ZNF195: variants seen among roughly 807,000 people sequenced by gnomAD.
The protein encoded by ZNF195 is hypoxia-regulated factor-1.
ZNF195 carries 11 observed loss-of-function variants against 19.5 expected under a neutral mutation model. The ratio of observed to expected loss-of-function variants is 0.57; its 90% CI spans 0.36 to 0.94. The LOEUF (loss-of-function observed/expected upper bound fraction) is 0.94. Ranked by LOEUF, ZNF195 falls within the 40% of genes least tolerant of loss-of-function variation. ZNF195 has a pLI of 0.01. For synonymous variants in ZNF195, 214 were observed against 248.1 expected, an observed-to-expected ratio of 0.86 and a Z score of 1.29; for missense variants, 582 against 709.0, an observed-to-expected ratio of 0.82 and a Z score of 2.03.
chr11:3,373,650 A>G, intron 1 of ZNF195: 2 of 1,547,740 alleles, frequency 1.3e-6, no homozygotes, highest in Non-Finnish European at 1.7e-6. Context: ...CTCTGGACAA[A>G]TCACACCTGC....
chr11:3,370,728 G>T (rs1287780578), intron 3 of ZNF195, among the ~76,000 whole-genome samples: 4 of 152,216 alleles, frequency 2.6e-5, no homozygotes, highest in African/African-American at 9.7e-5. Context: ...TACTCGTCAG[G>T]AGGAGGACTC....
chr11:3,369,592 G>A, intron 3 of ZNF195: 2 of 411,744 alleles, frequency 4.9e-6, no homozygotes, highest in South Asian at 3.4e-5. Flanking sequence ...TCAACCACGT[G>A]GATGACCCTG....
chr11:3,373,490 A>G, intron 1 of ZNF195: 2 of 1,019,130 alleles, frequency 2.0e-6, no homozygotes, highest in South Asian at 1.4e-5. Context: ...AAACACCACA[A>G]GTAGAGAAGT....
At position 3,359,191 on chromosome 11, in the gene ZNF195, T is replaced by C. The variant is rs747732338; in HGVS notation, c.1817A>G (p.Tyr606Cys). 3 of 1,613,576 alleles carry C rather than the reference T, an allele frequency of 1.9e-6. No homozygotes were observed. Among genetic ancestry groups the C allele is most frequent in the Non-Finnish European group, 2.5e-6 (3 of 1,179,856 alleles). ...HKRIHTGEKP[Y>C]KCEKCGKAFT... ...GGCTTTGCCACACTTTTCACACTTG[T>C]AGGGTTTCTCTCCAGTATGAATTCT... The change falls in exon 6 of 6, where the codon TAC becomes TGC. Residue 606 changes from tyrosine (Y) to cysteine (C), a missense_variant. This residue lies in a region of ZNF195 where 407 missense variants were observed against 530.5 expected (regional missense o/e 0.77). Coordinates refer to ENST00000399602, the MANE Select transcript of ZNF195 (RefSeq NM_001130520.3). This position sits in a 1 kb window ranked among gnomAD's most constrained non-coding sequence, Gnocchi z 5.5.
chr11:3,374,291 T>C (rs1026678254), intron 1 of ZNF195, among the ~76,000 whole-genome samples: 1 of 152,190 alleles, frequency 6.6e-6, no homozygotes, highest in African/African-American at 2.4e-5. Context: ...AGTTCTGCCA[T>C]TAATGGTGAT....
Position 3,360,197 on chromosome 11 carries a change from AT to A in ZNF195, c.810del (p.Lys270AsnfsTer105), listed in dbSNP as rs1564912610. On this transcript the variant is annotated frameshift_variant, in exon 6 of 6. Transcript: ENST00000399602. LOFTEE classifies it low-confidence loss of function (END_TRUNC). Reference sequence around the variant, plus strand: ...TTGCCACATTCTCCACATTTTTGGAATTTTTTTCCAGTGTGAATTTTCTGAT... The same window carrying A: ...TTGCCACATTCTCCACATTTTTGGAATTTTTTCCAGTGTGAATTTTCTGAT... ...TEHQKIHTGKKFQKCGECGKT... is the reference protein window; with the variant it reads ...TEHQKIHTGKXFQKCGECGKT... 2 of 1,613,860 alleles carry A rather than the reference AT, an allele frequency of 1.2e-6. No homozygotes were observed. Among genetic ancestry groups the A allele is most frequent in the East Asian group, 2.2e-5 (1 of 44,862 alleles).
intron 3 of ZNF195, chr11:3,369,574 C>A: frequency 2.3e-6 from 1 of 428,870 alleles, no homozygotes; most frequent in Non-Finnish European, 4.8e-6. Context: ...GGAATGAAAT[C>A]CTGTCATTCA....
chr11:3,370,032 A>T (rs1022797038), intron 3 of ZNF195, among the ~76,000 whole-genome samples: 2 of 152,236 alleles, frequency 1.3e-5, no homozygotes, highest in Non-Finnish European at 2.9e-5. Flanking sequence ...ACATATGCCC[A>T]CATAGACACA....
At position 3,359,847 on chromosome 11, in the gene ZNF195, C is replaced by A; in HGVS notation, c.1161G>T (p.Trp387Cys). The A allele has an allele frequency of 6.2e-7, 1 of 1,613,930 alleles. No individual in the cohort carries two copies. The highest frequency in any genetic ancestry group is 8.5e-7 in the Non-Finnish European group (1 of 1,179,994). ...TTGGGCTGTGGTTAAAACCTTTGTA[C>A]CATGTTTCACATTTGGAGAGCTTCT... is the stretch of plus-strand genomic sequence containing the variant. Reference protein sequence around the residue: ...AGEKLSKCETWYKGFNHSPNP... With the variant: ...AGEKLSKCETCYKGFNHSPNP... The change falls in exon 6 of 6, where the codon TGG becomes TGT. Residue 387 changes from tryptophan to cysteine, a missense_variant. Transcript: ENST00000399602. The surrounding 1 kb of genome is among the most constrained non-coding windows in gnomAD (Gnocchi z 5.5).
rs551670550 is a variant in ZNF195 at position 3,359,212 on chromosome 11, A to G, written c.1796T>C (p.Ile599Thr). 6 of 1,613,822 alleles carry G rather than the reference A, an allele frequency of 3.7e-6. No homozygotes were observed. Among genetic ancestry groups the G allele is most frequent in the Non-Finnish European group, 5.1e-6 (6 of 1,179,960 alleles). ...CTTGTAGGGTTTCTCTCCAGTATGA[A>G]TTCTCTTATGTACAATAAGGTTTGA... ...QSSNLIVHKR[I>T]HTGEKPYKCE... The change falls in exon 6 of 6, where the codon ATT becomes ACT. Residue 599 changes from isoleucine to threonine, a missense_variant. This residue lies in a region of ZNF195 where 407 missense variants were observed against 530.5 expected (regional missense o/e 0.77). Transcript: ENST00000399602. This position sits in a 1 kb window ranked among gnomAD's most constrained non-coding sequence, Gnocchi z 5.5.
At position 3,359,506 on chromosome 11, in the gene ZNF195, T is replaced by C; in HGVS notation, c.1502A>G (p.Asn501Ser). The C allele has an allele frequency of 1.2e-6, 2 of 1,614,190 alleles. No individual in the cohort carries two copies. Among genetic ancestry groups the C allele is most frequent in the South Asian group, 1.1e-5 (1 of 91,080 alleles). ...EKPYTCEECG[N>S]IFKQLSDLTK... ...GAGGTCTGATAACTGCTTAAAGATG[T>C]TGCCACATTCTTCACACGTGTAGGG... The change falls in exon 6 of 6, where the codon AAC becomes AGC. Residue 501 changes from asparagine (N) to serine (S), a missense_variant. Around this residue, in one of 3 missense-constraint regions of ZNF195, gnomAD observed 407 missense variants for 530.5 expected, o/e 0.77. Coordinates refer to ENST00000399602, the MANE Select transcript of ZNF195 (RefSeq NM_001130520.3). This position sits in a 1 kb window ranked among gnomAD's most constrained non-coding sequence, Gnocchi z 5.5.
chr11:3,373,697 C>T, intron 1 of ZNF195: 1 of 1,430,950 alleles, frequency 7.0e-7, no homozygotes, highest in Non-Finnish European at 9.5e-7. Flanking sequence ...TTAGCACAAC[C>T]CCTTCACCTG....
In ZNF195 at chr11:3,360,356, A is replaced by G. The variant is rs1589800539; in HGVS notation, c.652T>C (p.Tyr218His). Residue 218 changes from tyrosine to histidine, a missense_variant, in exon 6 of 6, where the codon TAT becomes CAT. This residue lies in a region of ZNF195 where 407 missense variants were observed against 530.5 expected (regional missense o/e 0.77). Transcript: ENST00000399602. ...TCAAAGATTTTAACATATTTATTAT[A>G]TTGAAAGATTTTGCTATGGGTAGTT... ...SSTTHSKIFQYNKYVKIFDNF... is the reference protein window; with the variant it reads ...SSTTHSKIFQHNKYVKIFDNF... 1.2e-6 allele frequency: 2 copies of G among 1,603,488 alleles called. No individual in the cohort carries two copies. Among genetic ancestry groups the G allele is most frequent in the East Asian group, 2.2e-5 (1 of 44,774 alleles).
chr11:3,364,699 C>A (rs1848781735), intron 3 of ZNF195, among the ~76,000 whole-genome samples: 1 of 152,124 alleles, frequency 6.6e-6, no homozygotes, highest in African/African-American at 2.4e-5. Flanking sequence ...AGAATGAAAG[C>A]TTGTCCACAC....
Position 3,357,953 on chromosome 11 carries a change from C to T in ZNF195, c.*1165G>A, listed in dbSNP as rs1848457593. ...CAGGCAAGCAAGCTTTATTGAGCTG[C>T]TTGGCTGCTCCACCACAGTTAGAGG... On this transcript the variant is annotated 3_prime_UTR_variant, in exon 6 of 6. Transcript: ENST00000399602. The T allele has an allele frequency of 6.6e-6, 1 of 151,998 alleles. No homozygotes were observed. Among genetic ancestry groups the T allele is most frequent in the Non-Finnish European group, 1.5e-5 (1 of 68,018 alleles). 9.4% of individuals were successfully genotyped at this position (151,998 alleles called of 1,614,324 possible).
chr11:3,364,238 G>A (rs6578338), intron 3 of ZNF195, among the ~76,000 whole-genome samples: 118,463 of 152,128 alleles, frequency 0.78, 46,413 homozygotes, highest in Middle Eastern at 0.82. Context: ...AGGCAGGAGG[G>A]TTGCTTGAGG....
At chr11:3,374,110 C>T (rs534584970) in intron 1 of ZNF195, among the ~76,000 whole-genome samples, 5 of 152,272 alleles carry the variant, frequency 3.3e-5, no homozygotes, top group Non-Finnish European at 5.9e-5. Flanking sequence ...AGGTGAGGGC[C>T]TTTTTTTGAG....
intron 1 of ZNF195, chr11:3,377,472 C>G (rs990022665): frequency 1.5e-6 from 1 of 686,942 alleles, no homozygotes; most frequent in Non-Finnish European, 1.9e-6. Context: ...TTCTGTCTCC[C>G]TTCACAAATC....
At chr11:3,378,011 T>G in intron 1 of ZNF195, 26 of 901,168 alleles carry the variant, frequency 2.9e-5, no homozygotes, top group Non-Finnish European at 3.3e-5. Context: ...AACAAATCTC[T>G]TAAAAAGTGC....
Sources: gnomAD v4.1 joint callset for allele counts (sites outside exome capture counted in the v4.1 genomes callset) on GRCh38, gnomAD v4.1.1 for gene constraint, gnomAD v4.1.1 regional missense constraint, Gnocchi (gnomAD v3.1) non-coding constraint, MANE v1.5 for transcripts, NCBI Gene and HGNC (gene_info 2026-07-23, HGNC 2026-07-21) for gene names.